The following CYP4F3 variants were observed in gnomAD, a reference collection of about 807,000 sequenced individuals.
CYP4F3 encodes the protein cytochrome P450 family 4 subfamily F member 3.
CYP4F3 carries 50 observed loss-of-function variants against 54.8 expected under a neutral mutation model. The ratio of observed to expected loss-of-function variants is 0.91; its 90% CI spans 0.73 to 1.16. CYP4F3 has a LOEUF of 1.16. Among genes scored for constraint, CYP4F3 ranks in the 50% most tolerant of loss-of-function variants. The pLI is 0.00. For missense variants in CYP4F3, 715 were observed against 676.2 expected, an observed-to-expected ratio of 1.06 and a Z score of -0.64; for synonymous variants, 244 against 262.6, an observed-to-expected ratio of 0.93 and a Z score of 0.69.
chr19:15,656,610 A>G (rs868382687), intron 9 of CYP4F3, among the ~76,000 whole-genome samples: 2 of 151,496 alleles, frequency 1.3e-5, no homozygotes, highest in South Asian at 2.1e-4. Context: ...CTGTCTATCT[A>G]TCTATCATCT....
chr19:15,660,272 A>G lies in CYP4F3; in HGVS notation c.*887A>G, dbSNP rs1416712751. Reference sequence around the variant, plus strand: ...CACTTTAATGGCTTGAGGTATCATTATCAGTTACAAATTGAGTTATTCTTC... The same window carrying G: ...CACTTTAATGGCTTGAGGTATCATTGTCAGTTACAAATTGAGTTATTCTTC... On this transcript the variant is annotated 3_prime_UTR_variant, in exon 13 of 13. Coordinates refer to ENST00000221307, the MANE Select transcript of CYP4F3 (RefSeq NM_000896.3). 6.6e-6 allele frequency: 1 copy of G among 152,196 alleles called. No individual in the cohort carries two copies. The highest frequency in any genetic ancestry group is 1.5e-5 in the Non-Finnish European group (1 of 68,044). 9.4% of individuals were successfully genotyped at this position (152,196 alleles called of 1,614,324 possible).
chr19:15,647,032 A>G lies in CYP4F3; in HGVS notation c.344-20A>G, dbSNP rs1024656969. On this transcript the variant is annotated intron_variant, in intron 3 of 12. Coordinates refer to ENST00000221307, the MANE Select transcript of CYP4F3 (RefSeq NM_000896.3). ...CCTTCACCTGCCTCCATGGCCCCTGATTGTCCTCATTTATGTCAGCTGCCA... is the reference window on the plus strand; with the variant it reads ...CCTTCACCTGCCTCCATGGCCCCTGGTTGTCCTCATTTATGTCAGCTGCCA... 1.2e-6 allele frequency: 2 copies of G among 1,613,694 alleles called. No individual in the cohort carries two copies. The highest frequency in any genetic ancestry group is 1.7e-6 in the Non-Finnish European group (2 of 1,179,870).
intron 9 of CYP4F3, among the ~76,000 whole-genome samples, chr19:15,656,727 T>TA (rs747933343): frequency 1.0e-5 from 1 of 96,230 alleles, no homozygotes; most frequent in Non-Finnish European, 2.2e-5. Flanking sequence ...ATATCATCTA[T>TA]TTATCTATCT....
rs28371483 is a variant in CYP4F3, at chr19:15,652,592, C to T, written c.942C>T (p.Ser314=). ...LSKDEDGKKL[S]DEDIRAEADT... ...AGGATGAAGATGGGAAGAAGTTGTC[C>T]GATGAGGACATAAGAGCAGAAGCTG... Residue 314 remains serine, a synonymous_variant, in exon 8 of 13, where the codon TCC becomes TCT. Coordinates refer to ENST00000221307, the MANE Select transcript of CYP4F3 (RefSeq NM_000896.3). The T allele has an allele frequency of 2.8e-5, 45 of 1,614,058 alleles. No individual in the cohort carries two copies. Among genetic ancestry groups the T allele is most frequent in the African/African-American group, 2.1e-4 (16 of 74,998 alleles).
chr19:15,658,082 T>C, intron 9 of CYP4F3, 182 bp from the exon 10 acceptor site: 2 of 965,308 alleles, frequency 2.1e-6, no homozygotes, highest in Admixed American at 6.1e-5. Context: ...TGCTGTTCCA[T>C]GGGTCTATTT....
rs1047929419 is a variant in CYP4F3, at chr19:15,647,201, T to G, written c.402T>G (p.Asp134Glu). The change falls in exon 5 of 13, where the codon GAT (aspartate) becomes GAG (glutamate). Residue 134 changes from aspartate (D) to glutamate (E), a missense_variant. By Grantham distance (45) the Asp-to-Glu change is conservative (BLOSUM62 2). Transcript: ENST00000221307. ...FYSFLKPWLG[D>E]GLLLSAGEKW... ...GGCCCTTGGCTGCCCTGCCAGGGGA[T>G]GGGCTCCTGCTGAGTGCTGGTGAAA... is the stretch of plus-strand genomic sequence containing the variant. 2.5e-6 allele frequency: 4 copies of G among 1,614,108 alleles called. No homozygotes were observed. The highest frequency in any genetic ancestry group is 3.4e-6 in the Non-Finnish European group (4 of 1,180,046).
chr19:15,652,604 A>T lies in CYP4F3; in HGVS notation c.954A>T (p.Ile318=). Residue 318 remains isoleucine, a synonymous_variant, in exon 8 of 13, where the codon ATA becomes ATT. Transcript: ENST00000221307. Reference sequence around the variant, plus strand: ...GGAAGAAGTTGTCCGATGAGGACATAAGAGCAGAAGCTGACACCTTTATGT... The same window carrying T: ...GGAAGAAGTTGTCCGATGAGGACATTAGAGCAGAAGCTGACACCTTTATGT... ...EDGKKLSDED[I]RAEADTFMFE... 6.2e-7 allele frequency: 1 copy of T among 1,614,176 alleles called. No homozygotes were observed. Among genetic ancestry groups the T allele is most frequent in the Non-Finnish European group, 8.5e-7 (1 of 1,180,026 alleles).
At chr19:15,646,348 T>A (rs1236959677) in intron 3 of CYP4F3, among the ~76,000 whole-genome samples, 1 of 152,136 alleles carries the variant, frequency 6.6e-6, no homozygotes, top group African/African-American at 2.4e-5. Flanking sequence ...TTGTGTGAGG[T>A]CTGGGACCCA....
intron 6 of CYP4F3, 148 bp from the exon 7 acceptor site, chr19:15,649,765 T>A: frequency 1.0e-5 from 12 of 1,179,764 alleles, no homozygotes; most frequent in Non-Finnish European, 1.3e-5. Context: ...GTCGATTTCA[T>A]GCTGATCCCC....
chr19:15,645,763 A>T lies in CYP4F3; in HGVS notation c.243A>T (p.Ala81=). 1.9e-6 allele frequency: 3 copies of T among 1,614,070 alleles called. No individual in the cohort carries two copies. The highest frequency in any genetic ancestry group is 2.5e-6 in the Non-Finnish European group (3 of 1,179,938). ...EEGLLYTQSL[A]CTFGDMCCWW... is the part of the protein sequence containing the mutation. ...GTCTCCTATACACACAAAGCCTGGCATGCACCTTCGGTGATATGTGCTGCT... is the reference window on the plus strand; with the variant it reads ...GTCTCCTATACACACAAAGCCTGGCTTGCACCTTCGGTGATATGTGCTGCT... Residue 81 remains alanine, a synonymous_variant, in exon 3 of 13, where the codon GCA becomes GCT. Transcript: ENST00000221307.
chr19:15,657,924 T>C (rs909875451), intron 9 of CYP4F3, among the ~76,000 whole-genome samples: 1 of 152,188 alleles, frequency 6.6e-6, no homozygotes, highest in African/African-American at 2.4e-5. Context: ...TACTTTTGAT[T>C]AATTTTTATG....
Position 15,652,908 on chromosome 19 carries a change from G to A in CYP4F3, c.1071G>A (p.Glu357=). ...AATACCAGGAGCGCTGTCGGCAGGA[G>A]GTGCAAGAGCTTCTGAAGGACCGTG... ...HPEYQERCRQ[E]VQELLKDREP... The change falls in exon 9 of 13, where the codon GAG becomes GAA. Residue 357 remains glutamate (E), a synonymous_variant. Transcript: ENST00000221307. 1 of 1,613,712 alleles carries A rather than the reference G, an allele frequency of 6.2e-7. No individual in the cohort carries two copies. The highest frequency in any genetic ancestry group is 8.5e-7 in the Non-Finnish European group (1 of 1,179,778).
At chr19:15,646,281 G>T (rs1414067720) in intron 3 of CYP4F3, among the ~76,000 whole-genome samples, 3 of 152,140 alleles carry the variant, frequency 2.0e-5, no homozygotes, top group Non-Finnish European at 4.4e-5. Context: ...CTTGTCGCAG[G>T]TGCTGTTTGA....
intron 5 of CYP4F3, 84 bp downstream of exon 5, chr19:15,647,408 G>C: frequency 6.3e-7 from 1 of 1,585,378 alleles, no homozygotes; most frequent in Non-Finnish European, 8.6e-7. Context: ...TTTTGGCTCT[G>C]CTGGGTGCCT....
chr19:15,651,841 G>A (rs1972865381), intron 7 of CYP4F3, among the ~76,000 whole-genome samples: 1 of 152,170 alleles, frequency 6.6e-6, no homozygotes, highest in Admixed American at 6.5e-5. Context: ...CTTTGTCTAT[G>A]TGTATGTCTG....
intron 7 of CYP4F3, among the ~76,000 whole-genome samples, chr19:15,650,688 C>CTTTCTTTCTTTCTTT (rs1568397592): frequency 1.3e-5 from 1 of 75,808 alleles, no homozygotes; most frequent in South Asian, 4.9e-4. Flanking sequence ...TTCTTTCTTT[C>CTTTCTTTCTTTCTTT]TTTCTTTCTT....
At position 15,645,819 on chromosome 19, in the gene CYP4F3, G is replaced by A. The variant is rs143305509; in HGVS notation, c.299G>A (p.Arg100His). The A allele has an allele frequency of 2.1e-5, 34 of 1,613,538 alleles. No homozygotes were observed. Among genetic ancestry groups the A allele is most frequent in the Non-Finnish European group, 2.3e-5 (27 of 1,179,744 alleles). ...GTGGGGCCCTGGCACGCAATCGTCC[G>A]CATCTTCCACCCCACCTACATCAAG... Reference protein sequence around the residue: ...WWVGPWHAIVRIFHPTYIKPV... With the variant: ...WWVGPWHAIVHIFHPTYIKPV... Residue 100 changes from arginine (R) to histidine (H), a missense_variant, in exon 3 of 13, where the codon CGC becomes CAC. By Grantham distance (29) the Arg-to-His change is conservative (BLOSUM62 0). Coordinates refer to ENST00000221307, the MANE Select transcript of CYP4F3 (RefSeq NM_000896.3).
rs750638736 is a variant in CYP4F3, at chr19:15,658,743, G to T, written c.1331G>T (p.Arg444Leu). 6 of 1,613,934 alleles carry T rather than the reference G, an allele frequency of 3.7e-6. No homozygotes were observed. In the African/African-American group the frequency reaches 5.3e-5, roughly 14 times the overall value. The change falls in exon 12 of 13, where the codon CGC (arginine) becomes CTC (leucine). Residue 444 changes from arginine (R) to leucine (L), a missense_variant. Physicochemically the swap from Arg to Leu is moderately radical, Grantham distance 102 (BLOSUM62 -2). Transcript: ENST00000221307. ...WPDPEVYDPF[R>L]FDPKNIKERS... The stretch of plus-strand genomic sequence containing the variant: ...CGCCTCCAGGTCTATGACCCCTTTC[G>T]CTTTGACCCAAAGAACATCAAGGAG...
chr19:15,658,594 C>T (rs1289019704), intron 11 of CYP4F3, 39 bp downstream of exon 11: 7 of 1,613,036 alleles, frequency 4.3e-6, no homozygotes, highest in East Asian at 2.2e-5. Flanking sequence ...CATTCCAAGG[C>T]TCCTAGAGGA....
Sources: allele counts gnomAD v4.1 joint callset (sites outside exome capture counted in the v4.1 genomes callset), GRCh38; gene constraint gnomAD v4.1.1; transcripts MANE v1.5; gene names NCBI Gene and HGNC (gene_info 2026-07-23, HGNC 2026-07-21).